GIPC2: variants seen among roughly 807,000 people sequenced by gnomAD.
GIPC2 encodes the protein PDZ domain-containing protein GIPC2.
GIPC2 carries 30 observed loss-of-function variants against 30.6 expected under a neutral mutation model. The observed-to-expected ratio is 0.98, with a 90% CI of 0.73 to 1.33. The LOEUF (loss-of-function observed/expected upper bound fraction) is 1.33. Among genes scored for constraint, GIPC2 ranks in the 40% most tolerant of loss-of-function variants. The pLI is 0.00. For synonymous variants in GIPC2, 167 were observed against 150.0 expected, an observed-to-expected ratio of 1.11 and a Z score of -0.83; for missense variants, 414 against 390.3, an observed-to-expected ratio of 1.06 and a Z score of -0.51.
intron 1 of GIPC2, among the ~76,000 whole-genome samples, chr1:78,073,612 T>C (rs1661662634): frequency 6.6e-6 from 1 of 152,220 alleles, no homozygotes; most frequent in South Asian, 2.1e-4. Context: ...CAGAGATCTT[T>C]GGAACATGTA....
At chr1:78,132,418 G>A (rs947705028) in intron 5 of GIPC2, among the ~76,000 whole-genome samples, 1 of 152,164 alleles carries the variant, frequency 6.6e-6, no homozygotes, top group Non-Finnish European at 1.5e-5. Flanking sequence ...TTTCTGCTGT[G>A]CCAGAATGAG....
chr1:78,098,748 G>A (rs1294104595), intron 3 of GIPC2, among the ~76,000 whole-genome samples: 1 of 151,626 alleles, frequency 6.6e-6, no homozygotes, highest in African/African-American at 2.4e-5. Flanking sequence ...TCATTTGGGT[G>A]GGCCCTAATC....
intron 3 of GIPC2, among the ~76,000 whole-genome samples, chr1:78,110,087 A>C (rs960438237): frequency 2.6e-5 from 4 of 152,288 alleles, no homozygotes; most frequent in Admixed American, 2.6e-4. Flanking sequence ...CCTAATGTAA[A>C]TGACGAGTTA....
intron 2 of GIPC2, among the ~76,000 whole-genome samples, chr1:78,084,377 G>C (rs2100353833): frequency 6.6e-6 from 1 of 152,112 alleles, no homozygotes; most frequent in East Asian, 1.9e-4. Flanking sequence ...AGCTGGGTGT[G>C]GTGCACACCT....
rs1662994704 is a variant in GIPC2, at chr1:78,135,916, AAC to A, written c.*175_*176del. ...TAATTTTGATTTCTGGGCACTTTTT[AAC>A]ATTGCTGATGTAGTATGCTTAAGAG... On this transcript the variant is annotated 3_prime_UTR_variant, in exon 6 of 6. Transcript: ENST00000370759. 3 of 521,926 alleles carry A rather than the reference AAC, an allele frequency of 5.7e-6. No homozygotes were observed. The South Asian group carries it at 9.3e-5, about 16-fold the overall frequency. 32.3% of individuals were successfully genotyped at this position (521,926 alleles called of 1,614,324 possible). A position where few individuals can be genotyped will look rare whatever the true frequency, so the allele number is the denominator to read the frequency against.
intron 1 of GIPC2, among the ~76,000 whole-genome samples, chr1:78,071,394 A>G (rs969057952): frequency 1.3e-5 from 2 of 152,010 alleles, no homozygotes; most frequent in African/African-American, 4.8e-5. Context: ...TACTCCTTTT[A>G]GAAAGTGAGG....
At chr1:78,084,510 CAA>C (rs11432277) in intron 2 of GIPC2, among the ~76,000 whole-genome samples, 11 of 128,926 alleles carry the variant, frequency 8.5e-5, no homozygotes, top group South Asian at 2.5e-4. Context: ...GACTCTGTCT[CAA>C]AAAAAAAAAA....
At chr1:78,061,270 T>C (rs1352550651) in intron 1 of GIPC2, among the ~76,000 whole-genome samples, 2 of 152,188 alleles carry the variant, frequency 1.3e-5, no homozygotes, top group Non-Finnish European at 2.9e-5. Flanking sequence ...TTTGGGCTAG[T>C]TGCTCACTTA....
intron 1 of GIPC2, among the ~76,000 whole-genome samples, chr1:78,056,427 G>T (rs929206667): frequency 8.5e-5 from 13 of 152,138 alleles, no homozygotes; most frequent in Admixed American, 3.3e-4. Context: ...GCAGTGAGCT[G>T]AGATTGCACC....
intron 1 of GIPC2, among the ~76,000 whole-genome samples, chr1:78,062,997 C>G (rs1257190760): frequency 6.6e-6 from 1 of 152,192 alleles, no homozygotes; most frequent in Non-Finnish European, 1.5e-5. Flanking sequence ...ACGTCAAAGT[C>G]TGTATTCTTT....
At chr1:78,046,468 G>T in intron 1 of GIPC2, 134 bp downstream of exon 1, 2 of 763,776 alleles carry the variant, frequency 2.6e-6, no homozygotes, top group South Asian at 3.2e-5. Flanking sequence ...AGTCCGCCGG[G>T]GGCGTCCCGG....
At chr1:78,100,941 TACACACACACACAC>T (rs71590709) in intron 3 of GIPC2, among the ~76,000 whole-genome samples, 2 of 114,878 alleles carry the variant, frequency 1.7e-5, no homozygotes, top group African/African-American at 3.7e-5. Flanking sequence ...AAAAAAAAAA[TACACACACACACAC>T]ACACACACAC....
intron 2 of GIPC2, chr1:78,092,194 T>C (rs929142388): frequency 1.5e-5 from 9 of 582,776 alleles, no homozygotes; most frequent in Admixed American, 3.1e-5. Context: ...GGGAATGTAA[T>C]TGAAAGGGGA....
In GIPC2 at chr1:78,046,142, C is replaced by A; in HGVS notation, c.48C>A (p.Thr16=). The A allele has an allele frequency of 2.0e-6, 3 of 1,535,058 alleles. No individual in the cohort carries two copies. Among genetic ancestry groups the A allele is most frequent in the Admixed American group, 2.1e-5 (1 of 46,712 alleles). The change falls in exon 1 of 6, where the codon ACC becomes ACA. Residue 16 remains threonine, a synonymous_variant. Transcript: ENST00000370759. ...AGAAGAAGGCCAAGTCCAAGGAGAC[C>A]GCCGGGCTGGTGGAGGGCGAGCCGA... The part of the protein sequence containing the change: ...RGKKKAKSKE[T]AGLVEGEPTG...
chr1:78,123,092 T>C (rs1409304111), intron 4 of GIPC2, among the ~76,000 whole-genome samples: 1 of 151,900 alleles, frequency 6.6e-6, no homozygotes, highest in Non-Finnish European at 1.5e-5. Context: ...AAACCCCATC[T>C]CTACTAAAAA....
chr1:78,112,816 T>C (rs1662496098), intron 3 of GIPC2, among the ~76,000 whole-genome samples: 1 of 152,308 alleles, frequency 6.6e-6, no homozygotes, highest in South Asian at 2.1e-4. Flanking sequence ...GGTTTGCTTG[T>C]TTATTGAAAA....
chr1:78,116,913 T>C (rs941585896), intron 3 of GIPC2, among the ~76,000 whole-genome samples: 1 of 145,874 alleles, frequency 6.9e-6, no homozygotes, highest in Non-Finnish European at 1.5e-5. Context: ...TAGTTCTAGA[T>C]CCTTGAGGAA....
At chr1:78,103,435 T>C (rs573985986) in intron 3 of GIPC2, among the ~76,000 whole-genome samples, 2 of 152,332 alleles carry the variant, frequency 1.3e-5, no homozygotes, top group South Asian at 4.1e-4. Flanking sequence ...AATGTATGTA[T>C]GTGCTTAGAA....
intron 4 of GIPC2, among the ~76,000 whole-genome samples, chr1:78,121,692 A>G (rs1011824011): frequency 6.6e-6 from 1 of 152,186 alleles, no homozygotes; most frequent in Non-Finnish European, 1.5e-5. Context: ...TGTTTTGAAA[A>G]GGAGATATGA....
Sources: allele counts gnomAD v4.1 joint callset (sites outside exome capture counted in the v4.1 genomes callset), GRCh38; gene constraint gnomAD v4.1.1; transcripts MANE v1.5; gene names NCBI Gene and HGNC (gene_info 2026-07-23, HGNC 2026-07-21).